Variants in ANKRD11 observed in about 807,000 individuals in gnomAD.
The protein encoded by ANKRD11 is ankyrin repeat domain 11.
ANKRD11 carries 17 observed loss-of-function variants against 195.7 expected under a neutral mutation model. The observed-to-expected ratio is 0.09, with a 90% CI of 0.06 to 0.13. The LOEUF (loss-of-function observed/expected upper bound fraction) is 0.13, where lower values mean the gene tolerates loss of function less well. Among genes scored for constraint, ANKRD11 ranks in the 10% least tolerant of loss-of-function variants. The pLI, the probability that ANKRD11 is intolerant of heterozygous loss-of-function variation, is 1.00. For missense variants in ANKRD11, 3,735 were observed against 3,566.1 expected, an observed-to-expected ratio of 1.05 and a Z score of -1.21; for synonymous variants, 1,953 against 1,528.1, an observed-to-expected ratio of 1.28 and a Z score of -6.49.
intron 1 of ANKRD11, among the ~76,000 whole-genome samples, chr16:89,473,833 C>G (rs4238830): frequency 6.6e-6 from 1 of 151,980 alleles, no homozygotes; most frequent in African/African-American, 2.4e-5. Flanking sequence ...GGACCTGTGA[C>G]GTGCTTCTAA....
chr16:89,435,799 C>CACACACACACAA (rs2043191040), intron 1 of ANKRD11, among the ~76,000 whole-genome samples: 1 of 122,824 alleles, frequency 8.1e-6, no homozygotes, highest in Non-Finnish European at 1.7e-5. Context: ...CAGCTCTTCA[C>CACACACACACAA]ACACACACAC....
chr16:89,456,922 A>G (rs543653820), intron 1 of ANKRD11, among the ~76,000 whole-genome samples: 1 of 151,550 alleles, frequency 6.6e-6, no homozygotes, highest in South Asian at 2.1e-4. Context: ...TACACATTCA[A>G]ATGGTCAGAG....
At chr16:89,276,000 A>G (rs551900627) in intron 9 of ANKRD11, among the ~76,000 whole-genome samples, 1 of 152,334 alleles carries the variant, frequency 6.6e-6, no homozygotes, top group South Asian at 2.1e-4. Flanking sequence ...TCGGGGCCAC[A>G]GCAGTCGTAC....
chr16:89,334,944 C>T lies in ANKRD11; in HGVS notation c.-59-17866G>A, dbSNP rs539234890. ...CCCATGGTGCTGGGGGCCAGGCAGA[C>T]AGTCAAGCAGCAGAGTGGAGGGGAG... On this transcript the variant is annotated intron_variant, in intron 2 of 12. Coordinates refer to ENST00000301030, the MANE Select transcript of ANKRD11 (RefSeq NM_013275.6). 1.5e-4 allele frequency among the ~76,000 whole-genome samples: 23 copies of T among 152,194 alleles called. 1 individual carries two copies. The highest frequency in any genetic ancestry group is 1.5e-3 in the Admixed American group (23 of 15,294).
intron 2 of ANKRD11, among the ~76,000 whole-genome samples, chr16:89,397,905 GCAGGTGCCT>G (rs1597278750): frequency 6.6e-6 from 1 of 152,250 alleles, no homozygotes; most frequent in Non-Finnish European, 1.5e-5. Flanking sequence ...CCTGGTCAAA[GCAGGTGCCT>G]CGGGTGGCAA....
intron 2 of ANKRD11, among the ~76,000 whole-genome samples, chr16:89,405,763 T>G (rs867912059): frequency 4.9e-4 from 75 of 152,214 alleles, no homozygotes; most frequent in African/African-American, 1.8e-3. Context: ...AGCCAGACCC[T>G]GGGGCTTAGG....
chr16:89,329,548 A>G (rs2151961005), intron 2 of ANKRD11, among the ~76,000 whole-genome samples: 1 of 152,342 alleles, frequency 6.6e-6, no homozygotes, highest in African/African-American at 2.4e-5. Flanking sequence ...ATTTTATGTC[A>G]ATTGTAATTC....
At chr16:89,289,812 G>C (rs552215979) in intron 6 of ANKRD11, among the ~76,000 whole-genome samples, 1 of 152,202 alleles carries the variant, frequency 6.6e-6, no homozygotes, top group Non-Finnish European at 1.5e-5. Context: ...AAGCCAAGGC[G>C]TGAGGACTGC....
At chr16:89,343,520 A>G (rs1230446550) in intron 2 of ANKRD11, among the ~76,000 whole-genome samples, 1 of 152,228 alleles carries the variant, frequency 6.6e-6, no homozygotes, top group African/African-American at 2.4e-5. Context: ...CAAATGAGAC[A>G]GAGCTCGAGG....
Position 89,279,120 on chromosome 16 carries a change from G to A in ANKRD11, c.7422C>T (p.Gly2474=), listed in dbSNP as rs2033931888. Residue 2474 remains glycine, a synonymous_variant, in exon 9 of 13, where the codon GGC becomes GGT. Coordinates refer to ENST00000301030, the MANE Select transcript of ANKRD11 (RefSeq NM_013275.6). This position sits in a 1 kb window ranked among gnomAD's most constrained non-coding sequence, Gnocchi z 5.6. ...QCYAEYVTYT[G]SYLLDGKPLS... ...GCGGCTTGCCGTCCAGGAGGTAGGA[G>A]CCCGTGTAGGTGACGTACTCGGCGT... 4.3e-6 allele frequency: 7 copies of A among 1,614,018 alleles called. No homozygotes were observed. The highest frequency in any genetic ancestry group is 1.1e-5 in the South Asian group (1 of 91,086).
At chr16:89,477,947 AC>A (rs1354520875) in intron 1 of ANKRD11, among the ~76,000 whole-genome samples, 1 of 152,082 alleles carries the variant, frequency 6.6e-6, no homozygotes, top group Non-Finnish European at 1.5e-5. Context: ...ACAGAGCAAG[AC>A]TCCATCTCAA....
At chr16:89,334,841 C>T (rs573008800) in intron 2 of ANKRD11, among the ~76,000 whole-genome samples, 18 of 152,248 alleles carry the variant, frequency 1.2e-4, no homozygotes, top group African/African-American at 4.3e-4. Context: ...ACGGGGCGCA[C>T]GTGTCCATAG....
At chr16:89,422,384 T>C (rs193084180) in intron 1 of ANKRD11, among the ~76,000 whole-genome samples, 186 of 152,238 alleles carry the variant, frequency 1.2e-3, no homozygotes, top group African/African-American at 4.3e-3. Flanking sequence ...AAAAAGGATC[T>C]TGGATGTTAT....
chr16:89,486,922 T>C (rs757924746), intron 1 of ANKRD11, among the ~76,000 whole-genome samples: 39 of 151,712 alleles, frequency 2.6e-4, no homozygotes, highest in Non-Finnish European at 4.0e-4. Flanking sequence ...GGCAGGAGAA[T>C]TGCTTAAACC....
chr16:89,461,213 G>T (rs1379305483), intron 1 of ANKRD11, among the ~76,000 whole-genome samples: 1 of 144,256 alleles, frequency 6.9e-6, no homozygotes, highest in African/African-American at 2.6e-5. Flanking sequence ...GAGGTGCCTT[G>T]AGTGGTGACA....
chr16:89,406,134 C>T (rs923737206), intron 2 of ANKRD11, among the ~76,000 whole-genome samples: 42 of 149,364 alleles, frequency 2.8e-4, no homozygotes, highest in African/African-American at 9.7e-4. Context: ...AAAAAACCTT[C>T]AGCCAGAAAA....
rs2034266272 is a variant in ANKRD11 at position 89,281,695 on chromosome 16, C to G, written c.4847G>C (p.Gly1616Ala). ...CGCCTTCTCCTTGAGCTTGGGGTCTCCGGACCGGTGCCTCAGCTTCTCCAT... is the reference window on the plus strand; with the variant it reads ...CGCCTTCTCCTTGAGCTTGGGGTCTGCGGACCGGTGCCTCAGCTTCTCCAT... ...KQMEKLRHRS[G>A]DPKLKEKAKP... is the part of the protein sequence containing the mutation. Residue 1616 changes from glycine to alanine, a missense_variant, in exon 9 of 13, where the codon GGA becomes GCA. Coordinates refer to ENST00000301030, the MANE Select transcript of ANKRD11 (RefSeq NM_013275.6). The surrounding 1 kb of genome is among the most constrained non-coding windows in gnomAD (Gnocchi z 5.5). 1.2e-6 allele frequency: 2 copies of G among 1,614,168 alleles called. No individual in the cohort carries two copies. The highest frequency in any genetic ancestry group is 4.5e-5 in the East Asian group (2 of 44,878).
intron 2 of ANKRD11, among the ~76,000 whole-genome samples, chr16:89,397,735 C>T (rs1281307740): frequency 6.6e-6 from 1 of 152,230 alleles, no homozygotes; most frequent in African/African-American, 2.4e-5. Flanking sequence ...GAAGATGATG[C>T]AGAAGCCTCT....
chr16:89,292,754 G>A (rs2035146228), intron 4 of ANKRD11, among the ~76,000 whole-genome samples: 1 of 152,214 alleles, frequency 6.6e-6, no homozygotes. Flanking sequence ...GGTTGGGGAG[G>A]CAGCCTCGCC....
Sources: gnomAD v4.1 joint callset for allele counts (sites outside exome capture counted in the v4.1 genomes callset) on GRCh38, gnomAD v4.1.1 for gene constraint, Gnocchi (gnomAD v3.1) non-coding constraint, MANE v1.5 for transcripts, NCBI Gene and HGNC (gene_info 2026-07-23, HGNC 2026-07-21) for gene names.